VSTM2B: variants seen among roughly 807,000 people sequenced by gnomAD.
VSTM2B encodes the protein V-set and transmembrane domain-containing protein 2B.
A neutral mutation model predicts 24.0 loss-of-function variants in VSTM2B; 24 were observed. The observed-to-expected ratio is 1.00, with a 90% confidence interval of 0.72 to 1.40. The LOEUF is 1.40. VSTM2B is among the 40% of genes most tolerant of loss of function. The probability of loss-of-function intolerance (pLI) is 0.00; values close to 1 mark genes in which losing one functional copy is unlikely to be tolerated. For synonymous variants in VSTM2B, 226 were observed against 194.4 expected (o/e 1.16, Z -1.35); for missense variants, 399 against 416.4 (o/e 0.96, Z 0.36).
rs190454883 is a variant in VSTM2B at position 29,540,517 on chromosome 19, G to C, written c.769+10227G>C. ...TGCTGCTGCCTCAGGGCTCCCAGCA[G>C]TTCTTTCCCTGTCCTGCAGTCAACA... On this transcript the variant is annotated intron_variant, in intron 4 of 4. Transcript: ENST00000335523. Among the ~76,000 whole-genome samples, 8 of 152,370 alleles carry C rather than the reference G, an allele frequency of 5.3e-5. No individual in the cohort carries two copies. In the East Asian group the frequency reaches 1.5e-3, roughly 29 times the overall value.
intron 4 of VSTM2B, among the ~76,000 whole-genome samples, chr19:29,533,153 C>T (rs79771307): frequency 0.013 from 1,971 of 152,272 alleles, 36 homozygotes; most frequent in Non-Finnish European, 0.019. Context: ...TGGAGGTCCT[C>T]AGGTCAACTC....
chr19:29,550,907 G>A (rs1401942170), intron 4 of VSTM2B, among the ~76,000 whole-genome samples: 3 of 152,040 alleles, frequency 2.0e-5, no homozygotes, highest in South Asian at 4.2e-4. Context: ...GTTTGCAGGG[G>A]CAAGGGACCT....
intron 4 of VSTM2B, among the ~76,000 whole-genome samples, chr19:29,539,441 C>A (rs1159624469): frequency 2.0e-5 from 3 of 152,046 alleles, no homozygotes; most frequent in African/African-American, 7.2e-5. Flanking sequence ...GCTCTCTCAC[C>A]ATGTCATATA....
At chr19:29,558,669 A>G (rs1438518313) in intron 4 of VSTM2B, among the ~76,000 whole-genome samples, 1 of 152,232 alleles carries the variant, frequency 6.6e-6, no homozygotes, top group Non-Finnish European at 1.5e-5. Flanking sequence ...ATGAGAACAC[A>G]TGAACACAGG....
intron 4 of VSTM2B, among the ~76,000 whole-genome samples, chr19:29,533,686 C>G (rs892616557): frequency 6.6e-6 from 1 of 152,234 alleles, no homozygotes; most frequent in Admixed American, 6.5e-5. Flanking sequence ...CACCTCACCC[C>G]GGTCACCCAA....
At chr19:29,546,670 G>A (rs1970163779) in intron 4 of VSTM2B, among the ~76,000 whole-genome samples, 1 of 150,320 alleles carries the variant, frequency 6.7e-6, no homozygotes, top group Non-Finnish European at 1.5e-5. Context: ...CCGCTGGGGA[G>A]CCCCCACCCC....
At chr19:29,535,082 AT>A (rs760922847) in intron 4 of VSTM2B, among the ~76,000 whole-genome samples, 1 of 152,200 alleles carries the variant, frequency 6.6e-6, no homozygotes, top group Non-Finnish European at 1.5e-5. Flanking sequence ...ACATTTTGGT[AT>A]TTGTGCTTAA....
intron 4 of VSTM2B, among the ~76,000 whole-genome samples, chr19:29,535,853 C>T (rs1397097072): frequency 6.6e-6 from 1 of 152,138 alleles, no homozygotes; most frequent in Non-Finnish European, 1.5e-5. Flanking sequence ...TCCCATCTCC[C>T]CGGACCCACG....
intron 4 of VSTM2B, among the ~76,000 whole-genome samples, chr19:29,540,629 A>T (rs1970000056): frequency 6.6e-6 from 1 of 152,168 alleles, no homozygotes; most frequent in South Asian, 2.1e-4. Context: ...TCCTATATTC[A>T]TTGGACTTGG....
Position 29,530,288 on chromosome 19 carries a change from C to A in VSTM2B, c.767C>A (p.Ser256Ter). ...QAVLLRQRHG[S>*]GTGRSYTTDP... is the part of the protein sequence containing the mutation. ...GTCCTGCTGCGCCAGAGGCACGGCT[C>A]GGGTAAGGGATCGCGGAGAGGGGGC... Residue 256 changes from serine (S) to a stop codon, truncating the protein, a stop_gained and splice_region_variant, in exon 4 of 5, where the codon TCG (serine) becomes TAG (stop). Transcript: ENST00000335523. LOFTEE classifies it high-confidence loss of function. 1 of 1,498,214 alleles carries A rather than the reference C, an allele frequency of 6.7e-7. No individual in the cohort carries two copies. The highest frequency in any genetic ancestry group is 8.8e-7 in the Non-Finnish European group (1 of 1,131,556). 92.8% of individuals were successfully genotyped at this position (1,498,214 alleles called of 1,614,324 possible).
At chr19:29,557,235 C>T (rs78814763) in intron 4 of VSTM2B, among the ~76,000 whole-genome samples, 12,575 of 152,158 alleles carry the variant, frequency 0.083, 619 homozygotes, top group East Asian at 0.18. Flanking sequence ...ATAAATAAGA[C>T]GCACATCTGC....
Position 29,527,037 on chromosome 19 carries a change from C to G in VSTM2B, c.83-174C>G, listed in dbSNP as rs1969592296. The G allele has an allele frequency of 6.0e-5, 36 of 596,844 alleles. No individual in the cohort carries two copies. The South Asian group carries it at 7.8e-4, about 13-fold the overall frequency. 37.0% of individuals were successfully genotyped at this position (596,844 alleles called of 1,614,324 possible). ...GGCAGCCGATGGCCGGTCCCTGCCT[C>G]GGCCCTGCAGCCGCTTCCCCGAACT... On this transcript the variant is annotated intron_variant, in intron 1 of 4. Transcript: ENST00000335523.
At chr19:29,527,173 A>C in intron 1 of VSTM2B, 38 bp from the exon 2 acceptor site, 1 of 1,526,168 alleles carries the variant, frequency 6.6e-7, no homozygotes, top group Non-Finnish European at 8.8e-7. Flanking sequence ...CCCCCGACCT[A>C]CAGCTGGTCA....
intron 3 of VSTM2B, 139 bp downstream of exon 3, chr19:29,528,601 T>C (rs1231477430): frequency 7.3e-6 from 8 of 1,100,734 alleles, no homozygotes; most frequent in Non-Finnish European, 1.0e-5. Flanking sequence ...CTTGCATCGG[T>C]GGCTGCTCGG....
intron 4 of VSTM2B, among the ~76,000 whole-genome samples, chr19:29,554,123 CA>C (rs1402469403): frequency 6.6e-6 from 1 of 152,128 alleles, no homozygotes; most frequent in Non-Finnish European, 1.5e-5. Context: ...ACATAATCAT[CA>C]GATTCTCCAA....
At chr19:29,532,198 C>T (rs1243147850) in intron 4 of VSTM2B, among the ~76,000 whole-genome samples, 4 of 152,170 alleles carry the variant, frequency 2.6e-5, no homozygotes, top group Admixed American at 1.3e-4. Context: ...AATGGCAAGG[C>T]GTTTTTTAAG....
At chr19:29,555,807 T>C (rs1970392199) in intron 4 of VSTM2B, among the ~76,000 whole-genome samples, 2 of 151,930 alleles carry the variant, frequency 1.3e-5, no homozygotes, top group Non-Finnish European at 2.9e-5. Context: ...AAAAACTCTA[T>C]AAGAAACGAA....
At chr19:29,536,047 C>T (rs992943224) in intron 4 of VSTM2B, among the ~76,000 whole-genome samples, 2 of 152,228 alleles carry the variant, frequency 1.3e-5, no homozygotes, top group African/African-American at 4.8e-5. Flanking sequence ...ATGGCTGAGC[C>T]TCACAGCTGG....
chr19:29,528,702 C>A (rs548395292), intron 3 of VSTM2B, among the ~76,000 whole-genome samples: 1 of 152,366 alleles, frequency 6.6e-6, no homozygotes, highest in South Asian at 2.1e-4. Context: ...TAATTCGGCT[C>A]GGCGCTGACC....
Sources: gnomAD v4.1 joint callset for allele counts (sites outside exome capture counted in the v4.1 genomes callset) on GRCh38, gnomAD v4.1.1 for gene constraint, MANE v1.5 for transcripts, NCBI Gene and HGNC (gene_info 2026-07-23, HGNC 2026-07-21) for gene names.